PTGER3: variants seen among roughly 807,000 people sequenced by gnomAD.
The protein encoded by PTGER3 is prostaglandin E2 receptor EP3 subtype.
PTGER3 carries 22 observed loss-of-function variants against 34.7 expected under a neutral mutation model. The ratio of observed to expected loss-of-function variants is 0.63; its 90% CI spans 0.45 to 0.91. The LOEUF (loss-of-function observed/expected upper bound fraction) is 0.91. Ranked by LOEUF, PTGER3 falls within the 40% of genes least tolerant of loss-of-function variation. The pLI is 0.00. For synonymous variants in PTGER3, 241 were observed against 230.1 expected, an observed-to-expected ratio of 1.05 and a Z score of -0.43; for missense variants, 468 against 519.4, an observed-to-expected ratio of 0.90 and a Z score of 0.96.
Position 70,971,363 on chromosome 1 carries a change from CA to C in PTGER3, c.*366del, listed in dbSNP as rs1653060945. The C allele has an allele frequency of 9.9e-7, 1 of 1,012,362 alleles. No homozygotes were observed. The highest frequency in any genetic ancestry group is 1.7e-5 in the African/African-American group (1 of 58,440). 62.7% of individuals were successfully genotyped at this position (1,012,362 alleles called of 1,614,324 possible). On this transcript the variant is annotated 3_prime_UTR_variant, in exon 4 of 4. Coordinates refer to ENST00000306666, the MANE Select transcript of PTGER3 (RefSeq NM_198719.2). The stretch of plus-strand genomic sequence containing the variant: ...AACTCATATTGCAAAAGCAAGCTAT[CA>C]TGAAATGTAAAGATGTCCACTTTGG...
intron 4 of PTGER3, among the ~76,000 whole-genome samples, chr1:70,878,430 A>G (rs986597938): frequency 6.6e-6 from 1 of 151,914 alleles, no homozygotes; most frequent in African/African-American, 2.4e-5. Flanking sequence ...TCCTGGAGTC[A>G]TTGATCTTTT....
intron 4 of PTGER3, among the ~76,000 whole-genome samples, chr1:70,881,736 G>A (rs914271608): frequency 6.6e-6 from 1 of 152,168 alleles, no homozygotes; most frequent in African/African-American, 2.4e-5. Flanking sequence ...TGTTTCTTTT[G>A]TTGGGTGTTC....
At chr1:70,868,020 T>A (rs543145650) in intron 4 of PTGER3, among the ~76,000 whole-genome samples, 7 of 152,164 alleles carry the variant, frequency 4.6e-5, no homozygotes, top group Admixed American at 2.0e-4. Context: ...ATTTGCTGTT[T>A]TGGCCTATAA....
At chr1:70,976,188 T>C (rs547305444) in intron 2 of PTGER3, among the ~76,000 whole-genome samples, 8 of 152,166 alleles carry the variant, frequency 5.3e-5, no homozygotes, top group African/African-American at 1.4e-4. Flanking sequence ...GCAGCATATG[T>C]TTCCCTAGTG....
At chr1:70,950,259 G>A (rs1345213059), downstream of PTGER3, among the ~76,000 whole-genome samples, 1 of 152,134 alleles carries the variant, frequency 6.6e-6, no homozygotes, top group Admixed American at 6.6e-5. Flanking sequence ...CTTACTTCTT[G>A]CACATCTAGA....
intron 1 of PTGER3, among the ~76,000 whole-genome samples, chr1:71,025,620 C>T (rs1028540632): frequency 5.3e-5 from 8 of 152,142 alleles, no homozygotes; most frequent in African/African-American, 1.9e-4. Flanking sequence ...TTATGCTTAA[C>T]AACTGAAGAC....
chr1:70,961,644 C>T (rs1027030443), intron 2 of PTGER3, among the ~76,000 whole-genome samples: 1 of 152,210 alleles, frequency 6.6e-6, no homozygotes, highest in Admixed American at 6.5e-5. Context: ...GCTCTAGCCT[C>T]AGGCTGTTTC....
exon 4 of PTGER3, chr1:70,952,866 C>A: frequency 6.5e-7 from 1 of 1,537,750 alleles, no homozygotes. Flanking sequence ...GAGGAGCTTG[C>A]TTTTTTAAAA....
intron 2 of PTGER3, among the ~76,000 whole-genome samples, chr1:70,986,070 A>G (rs1234647667): frequency 6.6e-6 from 1 of 152,156 alleles, no homozygotes; most frequent in East Asian, 1.9e-4. Context: ...CAAGATGGCG[A>G]CAAGAGTGAT....
chr1:70,878,634 C>A (rs1179453419), intron 4 of PTGER3, among the ~76,000 whole-genome samples: 2 of 152,100 alleles, frequency 1.3e-5, no homozygotes, highest in Non-Finnish European at 2.9e-5. Flanking sequence ...CTTAACACTT[C>A]CTTAGCTATG....
intron 4 of PTGER3, chr1:70,853,009 AG>A: frequency 1.1e-6 from 1 of 941,090 alleles, no homozygotes; most frequent in Non-Finnish European, 1.7e-6. Flanking sequence ...AACAAGAACA[AG>A]AACGAAGTTG....
intron 2 of PTGER3, among the ~76,000 whole-genome samples, chr1:70,992,479 T>C (rs2300167): frequency 0.32 from 49,208 of 152,134 alleles, 8,577 homozygotes; most frequent in South Asian, 0.44. Context: ...TTGTTCAAAA[T>C]TGAACCCTTC....
intron 2 of PTGER3, chr1:71,006,749 T>G (rs557411838): frequency 5.1e-6 from 5 of 985,340 alleles, no homozygotes; most frequent in Admixed American, 6.1e-5. Context: ...CATTACATTG[T>G]GCTATTATTT....
At chr1:70,952,124 G>A (rs1262924875), downstream of PTGER3, among the ~76,000 whole-genome samples, 2 of 152,034 alleles carry the variant, frequency 1.3e-5, no homozygotes, top group East Asian at 3.9e-4. Context: ...TGGTGGTCTA[G>A]CTGAGAAATT....
chr1:70,897,895 G>C (rs1169430698), intron 4 of PTGER3, among the ~76,000 whole-genome samples: 1 of 152,078 alleles, frequency 6.6e-6, no homozygotes, highest in East Asian at 1.9e-4. Context: ...AAAGAAAAAG[G>C]CTGCATTTCC....
At chr1:70,898,067 C>G (rs2100319350) in intron 4 of PTGER3, among the ~76,000 whole-genome samples, 1 of 151,884 alleles carries the variant, frequency 6.6e-6, no homozygotes, top group African/African-American at 2.4e-5. Context: ...TATTTTTTAC[C>G]TTAATAGTGT....
At chr1:70,999,604 G>T (rs1656291343) in intron 2 of PTGER3, among the ~76,000 whole-genome samples, 1 of 152,182 alleles carries the variant, frequency 6.6e-6, no homozygotes, top group Admixed American at 6.5e-5. Flanking sequence ...CAAATGGTCT[G>T]CCCTAGGTCC....
In PTGER3 at chr1:70,853,534, C is replaced by T. The variant is rs535544673; in HGVS notation, c.*24-675G>A. On this transcript the variant is annotated intron_variant, in intron 4 of 4. Transcript: ENST00000370931. Reference sequence around the variant, plus strand: ...AAACACATTTTTGAGAAAATCCATACATTTGATTAAGACCAGGTATGAGAT... The same window carrying T: ...AAACACATTTTTGAGAAAATCCATATATTTGATTAAGACCAGGTATGAGAT... 1.0e-3 allele frequency among the ~76,000 whole-genome samples: 154 copies of T among 152,206 alleles called. 1 individual carries two copies. In the Middle Eastern group the frequency reaches 0.02, roughly 20 times the overall value.
At position 71,021,931 on chromosome 1, in the gene PTGER3, T is replaced by C. The variant is rs2300174; in HGVS notation, c.898-9447A>G. Among the ~76,000 whole-genome samples the C allele has an allele frequency of 1.4e-4, 22 of 151,962 alleles. No individual in the cohort carries two copies. In the East Asian group the frequency reaches 4.0e-3, roughly 28 times the overall value. ...ATCATGCTGTTGAATATTAGTAACA[T>C]GAAGAATATTTAGTAACATGAAGAA... On this transcript the variant is annotated intron_variant, in intron 1 of 3. Transcript: ENST00000306666.
Sources: gnomAD v4.1 joint callset for allele counts (sites outside exome capture counted in the v4.1 genomes callset) on GRCh38, gnomAD v4.1.1 for gene constraint, MANE v1.5 for transcripts, NCBI Gene and HGNC (gene_info 2026-07-23, HGNC 2026-07-21) for gene names.